The following RAD17 variants were observed in gnomAD, a reference collection of about 807,000 sequenced individuals.
RAD17 encodes cell cycle checkpoint protein RAD17.
A neutral mutation model predicts 81.5 loss-of-function variants in RAD17; 31 were observed. That is an observed-to-expected ratio of 0.38 (90% CI 0.29 to 0.51). The LOEUF is 0.51. RAD17 is among the 20% of genes least tolerant of loss of function. The pLI is 0.88. For synonymous variants in RAD17, 261 were observed against 266.2 expected (o/e 0.98, Z 0.19); for missense variants, 681 against 781.2 (o/e 0.87, Z 1.53).
intron 17 of RAD17, among the ~76,000 whole-genome samples, chr5:69,406,307 A>G (rs1463143762): frequency 2.6e-5 from 4 of 152,190 alleles, no homozygotes; most frequent in Non-Finnish European, 4.4e-5. Context: ...CAAATATTGC[A>G]TATTCTCACT....
At chr5:69,376,170 A>G (rs1403469077) in intron 6 of RAD17, among the ~76,000 whole-genome samples, 2 of 152,220 alleles carry the variant, frequency 1.3e-5, no homozygotes, top group East Asian at 1.9e-4. Context: ...AAAAATCTTC[A>G]TTGTAGAGTA....
Position 69,407,562 on chromosome 5 carries a change from G to GTTTTTTTTTTT in RAD17, c.1694-2910_1694-2900dup, listed in dbSNP as rs550222595. ...CTTCTATATGTCAATCTATGTCCAA[G>GTTTTTTTTTTT]TTTTTTTTTTTTTTTTTTTTTTTTT... is the stretch of plus-strand genomic sequence containing the variant. On this transcript the variant is annotated intron_variant, in intron 17 of 18. Coordinates refer to ENST00000354868, the MANE Select transcript of RAD17 (RefSeq NM_133338.3). Among the ~76,000 whole-genome samples the GTTTTTTTTTTT allele has an allele frequency of 2.4e-4, 10 of 40,924 alleles. 2 individuals carry two copies. Among genetic ancestry groups the GTTTTTTTTTTT allele is most frequent in the East Asian group, 2.0e-3 (2 of 986 alleles). 26.8% of individuals were successfully genotyped at this position (40,924 alleles called of 152,430 possible).
intron 1 of RAD17, 44 bp downstream of exon 1, chr5:69,369,977 A>G: frequency 4.0e-6 from 2 of 499,464 alleles, no homozygotes; most frequent in Non-Finnish European, 7.0e-6. Flanking sequence ...TATGTCTTAG[A>G]GACGTGAGTC....
At chr5:69,378,195 A>G (rs988279297) in intron 6 of RAD17, among the ~76,000 whole-genome samples, 1 of 152,232 alleles carries the variant, frequency 6.6e-6, no homozygotes, top group Non-Finnish European at 1.5e-5. Flanking sequence ...AGATTTATCA[A>G]TGGGCAAACG....
At chr5:69,375,116 G>C (rs888268128) in intron 6 of RAD17, among the ~76,000 whole-genome samples, 3 of 152,058 alleles carry the variant, frequency 2.0e-5, no homozygotes, top group Non-Finnish European at 4.4e-5. Context: ...ACCAAAAACC[G>C]TAAAAAGCAA....
At position 69,400,079 on chromosome 5, in the gene RAD17, C is replaced by G; in HGVS notation, c.1603C>G (p.Leu535Val). The G allele has an allele frequency of 6.2e-7, 1 of 1,601,260 alleles. No homozygotes were observed. The highest frequency in any genetic ancestry group is 8.5e-7 in the Non-Finnish European group (1 of 1,174,392). ...GGAAAATTGCCTGGCAGCAAAAGCA[C>G]TTTTTCCTGACTTCTGCCTACCAGC... ...YRENCLAAKA[L>V]FPDFCLPALC... The change falls in exon 17 of 19, where the codon CTT becomes GTT. Residue 535 changes from leucine to valine, a missense_variant. Leu to Val is a conservative substitution (Grantham distance 32). Coordinates refer to ENST00000354868, the MANE Select transcript of RAD17 (RefSeq NM_133338.3).
intron 6 of RAD17, among the ~76,000 whole-genome samples, chr5:69,375,141 C>T (rs1190419741): frequency 2.6e-5 from 4 of 152,088 alleles, no homozygotes; most frequent in Admixed American, 2.0e-4. Context: ...AAACAAAAAG[C>T]GAAAAAGAAA....
In RAD17 at chr5:69,398,853, C is replaced by G. The variant is rs376833895; in HGVS notation, c.1573-1196C>G. 2.7e-5 allele frequency among the ~76,000 whole-genome samples: 3 copies of G among 110,972 alleles called. No homozygotes were observed. The East Asian group carries it at 8.6e-4, about 32-fold the overall frequency. 72.8% of individuals were successfully genotyped at this position (110,972 alleles called of 152,430 possible). On this transcript the variant is annotated intron_variant, in intron 16 of 18. Coordinates refer to ENST00000354868, the MANE Select transcript of RAD17 (RefSeq NM_133338.3). ...ATATGAATTTCTAGCTTCAGAATTT[C>G]TGGAATCTCCTGGTTAAAAAAAAAA...
chr5:69,381,822 T>C (rs1290841477), intron 6 of RAD17, 79 bp from the exon 7 acceptor site: 1 of 1,048,118 alleles, frequency 9.5e-7, no homozygotes, highest in Non-Finnish European at 1.4e-6. Context: ...AGTAAATATA[T>C]TTAGAATGAA....
intron 5 of RAD17, 101 bp from the exon 6 acceptor site, chr5:69,374,527 G>A: frequency 1.5e-6 from 1 of 673,324 alleles, no homozygotes. Flanking sequence ...TTACTGATTT[G>A]CTACTTCTTT....
chr5:69,389,016 T>C lies in RAD17; in HGVS notation c.895-18T>C, dbSNP rs762607137. On this transcript the variant is annotated intron_variant, in intron 11 of 18. Transcript: ENST00000354868. Reference sequence around the variant, plus strand: ...TTTAAGAAAATACTTTTTTTTAAATTTAATTTTCTTATTTTAGAATGGAGG... The same window carrying C: ...TTTAAGAAAATACTTTTTTTTAAATCTAATTTTCTTATTTTAGAATGGAGG... 2.3e-5 allele frequency: 30 copies of C among 1,310,342 alleles called. No individual in the cohort carries two copies. The African/African-American group carries it at 4.6e-4, about 20-fold the overall frequency. 81.2% of individuals were successfully genotyped at this position (1,310,342 alleles called of 1,614,324 possible).
chr5:69,388,043 T>G (rs1764322558), intron 11 of RAD17, among the ~76,000 whole-genome samples: 1 of 152,086 alleles, frequency 6.6e-6, no homozygotes. Flanking sequence ...CTACATTCTC[T>G]ACTATAAGCA....
At chr5:69,413,899 ATAGT>A in intron 18 of RAD17, 128 bp from the exon 19 acceptor site, 2 of 1,120,330 alleles carry the variant, frequency 1.8e-6, no homozygotes, top group Non-Finnish European at 2.5e-6. Flanking sequence ...TTTTGTTTTT[ATAGT>A]TAAAGGGACT....
intron 17 of RAD17, among the ~76,000 whole-genome samples, chr5:69,406,431 G>A (rs1765606981): frequency 6.6e-6 from 1 of 152,090 alleles, no homozygotes; most frequent in African/African-American, 2.4e-5. Flanking sequence ...TGTTATGTAG[G>A]AGGAATAAAT....
chr5:69,396,556 A>AG lies in RAD17; in HGVS notation c.1572+10_1572+11insG. The AG allele has an allele frequency of 1.3e-6, 2 of 1,519,046 alleles. No homozygotes were observed. Among genetic ancestry groups the AG allele is most frequent in the Non-Finnish European group, 1.8e-6 (2 of 1,136,602 alleles). The allele number at this position is 1,519,046 out of a possible 1,614,324, so 94.1% of individuals were successfully genotyped here. ...TCTAATAAATAAAAAGGTAAAAAAAAAAAAAAAAATTCTGTACTTTCAATA... is the reference window on the plus strand; with the variant it reads ...TCTAATAAATAAAAAGGTAAAAAAAAGAAAAAAAAATTCTGTACTTTCAATA... On this transcript the variant is annotated intron_variant, in intron 16 of 18. Transcript: ENST00000354868.
At chr5:69,379,534 A>G (rs564398393) in intron 6 of RAD17, among the ~76,000 whole-genome samples, 22 of 152,170 alleles carry the variant, frequency 1.4e-4, no homozygotes, top group Non-Finnish European at 3.1e-4. Context: ...TTTTTACTTT[A>G]TAAACTTTTA....
At chr5:69,391,120 C>A (rs181606334) in intron 12 of RAD17, among the ~76,000 whole-genome samples, 1 of 151,358 alleles carries the variant, frequency 6.6e-6, no homozygotes, top group African/African-American at 2.4e-5. Context: ...ATTCTAGCTG[C>A]TCGGGAGGCT....
chr5:69,413,793 C>T (rs1766186395), intron 18 of RAD17, among the ~76,000 whole-genome samples: 1 of 152,238 alleles, frequency 6.6e-6, no homozygotes, highest in African/African-American at 2.4e-5. Context: ...CCTTGGCCTC[C>T]CACAGTGCAG....
chr5:69,399,115 T>C (rs536810765), intron 16 of RAD17, among the ~76,000 whole-genome samples: 169 of 152,014 alleles, frequency 1.1e-3, no homozygotes, highest in Non-Finnish European at 2.2e-3. Flanking sequence ...AGGAAAAATT[T>C]TTTTTGTTTT....
Sources: gnomAD v4.1 joint callset for allele counts (sites outside exome capture counted in the v4.1 genomes callset) on GRCh38, gnomAD v4.1.1 for gene constraint, MANE v1.5 for transcripts, NCBI Gene and HGNC (gene_info 2026-07-23, HGNC 2026-07-21) for gene names.